Variants in FBXL7 observed in about 807,000 individuals in gnomAD.
The protein encoded by FBXL7 is F-box/LRR-repeat protein 7.
FBXL7 carries 12 observed loss-of-function variants against 38.3 expected under a neutral mutation model. That is an observed-to-expected ratio of 0.31 (90% CI 0.20 to 0.51). The LOEUF is 0.51. Among genes scored for constraint, FBXL7 ranks in the 20% least tolerant of loss-of-function variants. The pLI is 0.98. For synonymous variants in FBXL7, 297 were observed against 300.9 expected, an observed-to-expected ratio of 0.99 and a Z score of 0.13; for missense variants, 567 against 676.4, an observed-to-expected ratio of 0.84 and a Z score of 1.79.
rs547571562 is a variant in FBXL7, at chr5:15,894,263, AAAACAAAAC to A, written c.128-33610_128-33602del. ...GCAACAAGAGTAAAACTCTGTCTCA[AAAACAAAAC>A]AAACAAAACAAACAAACAAACAAAA... On this transcript the variant is annotated intron_variant, in intron 2 of 3. Transcript: ENST00000504595. Among the ~76,000 whole-genome samples, 136 of 152,370 alleles carry A rather than the reference AAAACAAAAC, an allele frequency of 8.9e-4. 1 individual carries two copies. The highest frequency in any genetic ancestry group is 2.7e-3 in the African/African-American group (111 of 41,584).
intron 1 of FBXL7, among the ~76,000 whole-genome samples, chr5:15,504,822 A>T (rs964284477): frequency 2.0e-5 from 3 of 152,168 alleles, no homozygotes; most frequent in Non-Finnish European, 2.9e-5. Context: ...GGGAAAAGAG[A>T]AGCTGCTCTC....
chr5:15,682,425 A>G (rs563998704), intron 2 of FBXL7, among the ~76,000 whole-genome samples: 3 of 152,208 alleles, frequency 2.0e-5, no homozygotes, highest in Non-Finnish European at 2.9e-5. Flanking sequence ...ATTCATCACT[A>G]CCACTTCCAC....
chr5:15,798,526 G>A (rs932796853), intron 2 of FBXL7, among the ~76,000 whole-genome samples: 6 of 152,110 alleles, frequency 3.9e-5, no homozygotes, highest in Admixed American at 1.3e-4. Context: ...GTTTATATTT[G>A]TGCATGTAAA....
At chr5:15,625,078 C>T (rs371661748) in intron 2 of FBXL7, among the ~76,000 whole-genome samples, 3 of 151,910 alleles carry the variant, frequency 2.0e-5, no homozygotes, top group African/African-American at 7.3e-5. Flanking sequence ...AATTATAAGC[C>T]CAATAAGTGT....
intron 2 of FBXL7, among the ~76,000 whole-genome samples, chr5:15,715,724 G>A (rs1435937893): frequency 1.3e-5 from 2 of 152,142 alleles, no homozygotes; most frequent in African/African-American, 4.8e-5. Context: ...CTAACACATG[G>A]TATAAACCAG....
In FBXL7 at chr5:15,937,330, C is replaced by T. The variant is rs1481320279; in HGVS notation, c.*144C>T. The stretch of plus-strand genomic sequence containing the variant: ...ATTAGGAATCTGGCCTTTATTTTTC[C>T]TCATTTCTCATGGGCAACAGAGGCC... On this transcript the variant is annotated 3_prime_UTR_variant, in exon 4 of 4. Transcript: ENST00000504595. The T allele has an allele frequency of 4.8e-6, 5 of 1,039,248 alleles. No homozygotes were observed. The highest frequency in any genetic ancestry group is 1.8e-5 in the South Asian group (1 of 55,696). 64.4% of individuals were successfully genotyped at this position (1,039,248 alleles called of 1,614,324 possible).
chr5:15,673,658 T>C (rs1209224444), intron 2 of FBXL7, among the ~76,000 whole-genome samples: 1 of 152,206 alleles, frequency 6.6e-6, no homozygotes, highest in Admixed American at 6.5e-5. Context: ...TCAGAGTCTC[T>C]AAGCCACAGA....
chr5:15,534,994 A>G (rs978251149), intron 1 of FBXL7, among the ~76,000 whole-genome samples: 1 of 152,194 alleles, frequency 6.6e-6, no homozygotes, highest in African/African-American at 2.4e-5. Flanking sequence ...TGTTTTCCTA[A>G]TAGTGAGTGA....
intron 2 of FBXL7, among the ~76,000 whole-genome samples, chr5:15,704,151 A>T (rs1420985016): frequency 6.6e-6 from 1 of 152,222 alleles, no homozygotes; most frequent in Non-Finnish European, 1.5e-5. Context: ...AAGTTGAGAA[A>T]GACAGCAGCT....
At chr5:15,750,360 C>A (rs1736124068) in intron 2 of FBXL7, among the ~76,000 whole-genome samples, 1 of 152,316 alleles carries the variant, frequency 6.6e-6, no homozygotes, top group Middle Eastern at 3.4e-3. Context: ...CTTCCTCTTG[C>A]AGAATGCTCC....
At chr5:15,514,575 G>T (rs946372425) in intron 1 of FBXL7, among the ~76,000 whole-genome samples, 15 of 152,166 alleles carry the variant, frequency 9.9e-5, no homozygotes, top group African/African-American at 3.6e-4. Context: ...GCAAGGCCTT[G>T]GGATACTAAA....
intron 2 of FBXL7, among the ~76,000 whole-genome samples, chr5:15,861,737 G>A (rs1013848239): frequency 1.3e-5 from 2 of 152,210 alleles, no homozygotes; most frequent in African/African-American, 4.8e-5. Flanking sequence ...GTCGTGGGGT[G>A]TTGACCACAG....
At chr5:15,906,621 G>T (rs1233483589) in intron 2 of FBXL7, among the ~76,000 whole-genome samples, 2 of 130,688 alleles carry the variant, frequency 1.5e-5, no homozygotes, top group African/African-American at 3.0e-5. Context: ...ACCCACTAAT[G>T]TGTCATCTAG....
intron 2 of FBXL7, among the ~76,000 whole-genome samples, chr5:15,912,541 G>C (rs995117606): frequency 1.3e-5 from 2 of 149,704 alleles, no homozygotes; most frequent in Non-Finnish European, 2.9e-5. Flanking sequence ...GGCCATCTTG[G>C]CTCCTCCCCA....
chr5:15,576,493 G>A (rs1738973807), intron 1 of FBXL7, among the ~76,000 whole-genome samples: 1 of 152,134 alleles, frequency 6.6e-6, no homozygotes, highest in Admixed American at 6.5e-5. Context: ...AAGTTTTGTA[G>A]TAGAATGATA....
intron 1 of FBXL7, among the ~76,000 whole-genome samples, chr5:15,508,118 C>G (rs557162517): frequency 6.6e-6 from 1 of 152,266 alleles, no homozygotes; most frequent in South Asian, 2.1e-4. Flanking sequence ...TTAGCCTACC[C>G]TACTTTAAAT....
chr5:15,915,677 T>C (rs113760518), intron 2 of FBXL7, among the ~76,000 whole-genome samples: 26 of 152,276 alleles, frequency 1.7e-4, no homozygotes, highest in African/African-American at 5.3e-4. Flanking sequence ...ATTCAACCCG[T>C]AACAGAAGGA....
At position 15,860,467 on chromosome 5, in the gene FBXL7, A is replaced by C. The variant is rs1455367186; in HGVS notation, c.128-67423A>C. On this transcript the variant is annotated intron_variant, in intron 2 of 3. Transcript: ENST00000504595. ...GGCTACCAATAAGGAATTCTGATCC[A>C]AGCCTTGCACATCGTATTGAAAAGT... Among the ~76,000 whole-genome samples the C allele has an allele frequency of 5.3e-5, 8 of 152,326 alleles. No homozygotes were observed. The East Asian group carries it at 1.4e-3, about 26-fold the overall frequency.
At chr5:15,601,346 A>G (rs925904153) in intron 1 of FBXL7, among the ~76,000 whole-genome samples, 1 of 152,196 alleles carries the variant, frequency 6.6e-6, no homozygotes, top group African/African-American at 2.4e-5. Flanking sequence ...TTTGTATTAC[A>G]ATGGAAATTC....
Sources: gnomAD v4.1 joint callset for allele counts (sites outside exome capture counted in the v4.1 genomes callset) on GRCh38, gnomAD v4.1.1 for gene constraint, MANE v1.5 for transcripts, NCBI Gene and HGNC (gene_info 2026-07-23, HGNC 2026-07-21) for gene names.